Variants in ZBTB20 observed in about 807,000 individuals in gnomAD.
ZBTB20 encodes the protein zinc finger and BTB domain containing 20, also known as zinc finger and BTB domain-containing protein 20.
In ZBTB20, 9 loss-of-function variants were observed where a neutral mutation model predicts 56.9. That is an observed-to-expected ratio of 0.16 (90% CI 0.10 to 0.28). The LOEUF (loss-of-function observed/expected upper bound fraction) is 0.28. Ranked by LOEUF, ZBTB20 falls within the 10% of genes least tolerant of loss-of-function variation. The pLI is 1.00. For missense variants in ZBTB20, 655 were observed against 1,003.0 expected (o/e 0.65, Z 4.69); for synonymous variants, 417 against 420.7 (o/e 0.99, Z 0.11).
intron 6 of ZBTB20, among the ~76,000 whole-genome samples, chr3:114,512,466 ACAGG>A (rs1216213706): frequency 1.3e-5 from 2 of 152,076 alleles, no homozygotes; most frequent in Non-Finnish European, 2.9e-5. Flanking sequence ...ATTATCACTG[ACAGG>A]TTATTAGCCC....
chr3:115,146,500 T>C (rs1218621016), intron 1 of ZBTB20, among the ~76,000 whole-genome samples: 4 of 152,186 alleles, frequency 2.6e-5, no homozygotes, highest in East Asian at 1.9e-4. Context: ...AATCAAAAAG[T>C]GTTAACATGT....
intron 6 of ZBTB20, among the ~76,000 whole-genome samples, chr3:114,570,578 C>T (rs2053308979): frequency 1.3e-5 from 2 of 152,064 alleles, no homozygotes; most frequent in African/African-American, 4.8e-5. Context: ...AGAATTTAAA[C>T]TCAGGTCTGT....
chr3:114,804,337 A>G (rs2071942328), intron 4 of ZBTB20, among the ~76,000 whole-genome samples: 2 of 151,964 alleles, frequency 1.3e-5, no homozygotes, highest in South Asian at 2.1e-4. Flanking sequence ...ATCCTCACAC[A>G]GAAGGAGTTT....
intron 5 of ZBTB20, among the ~76,000 whole-genome samples, chr3:114,736,529 T>C (rs1325942757): frequency 6.6e-6 from 1 of 152,202 alleles, no homozygotes; most frequent in African/African-American, 2.4e-5. Context: ...ATTTTGGTAG[T>C]TCTGCATTTG....
chr3:115,043,268 G>A (rs1020502936), intron 2 of ZBTB20, among the ~76,000 whole-genome samples: 12 of 151,950 alleles, frequency 7.9e-5, no homozygotes, highest in Admixed American at 2.0e-4. Flanking sequence ...TGTTTAAAAA[G>A]TAGTTGAAGG....
intron 1 of ZBTB20, among the ~76,000 whole-genome samples, chr3:115,084,285 C>CA (rs11426311): frequency 0.61 from 73,112 of 119,556 alleles, 23,199 homozygotes; most frequent in Non-Finnish European, 0.74. Context: ...TGAAGAGTGC[C>CA]AAAAAAAAAA....
Position 115,108,896 on chromosome 3 carries a change from G to A in ZBTB20, c.-702-37482C>T, listed in dbSNP as rs866940088. Among the ~76,000 whole-genome samples, 12 of 152,170 alleles carry A rather than the reference G, an allele frequency of 7.9e-5. No homozygotes were observed. In the East Asian group the frequency reaches 1.5e-3, roughly 20 times the overall value. Reference sequence around the variant, plus strand: ...ATATGACCATGGGGAAAAGTGGCACGGAGTTTAGTATCTGAATGATAAGAT... The same window carrying A: ...ATATGACCATGGGGAAAAGTGGCACAGAGTTTAGTATCTGAATGATAAGAT... On this transcript the variant is annotated intron_variant, in intron 1 of 11. Coordinates refer to ENST00000675478, the MANE Select transcript of ZBTB20 (RefSeq NM_001348800.3).
intron 1 of ZBTB20, among the ~76,000 whole-genome samples, chr3:115,138,091 A>C (rs1401506906): frequency 6.6e-6 from 1 of 152,070 alleles, no homozygotes; most frequent in Non-Finnish European, 1.5e-5. Context: ...AGGATTTGCT[A>C]CCCTTTGAAT....
chr3:114,953,956 G>GT (rs1024206832), intron 3 of ZBTB20, among the ~76,000 whole-genome samples: 3 of 152,042 alleles, frequency 2.0e-5, no homozygotes, highest in African/African-American at 7.2e-5. Flanking sequence ...TACAGTTTTC[G>GT]TAAGAGTAAT....
At chr3:114,828,149 G>A (rs2073644429) in intron 4 of ZBTB20, among the ~76,000 whole-genome samples, 1 of 151,642 alleles carries the variant, frequency 6.6e-6, no homozygotes, top group African/African-American at 2.4e-5. Context: ...CATAAGATCT[G>A]TAGAGAAAGT....
intron 10 of ZBTB20, among the ~76,000 whole-genome samples, chr3:114,374,136 T>C (rs2083343130): frequency 1.3e-5 from 2 of 152,212 alleles, no homozygotes; most frequent in Admixed American, 1.3e-4. Context: ...AGAGATTATA[T>C]ATCAATTAAC....
rs142108833 is a variant in ZBTB20 at position 114,627,541 on chromosome 3, G to A, written c.-295+65987C>T. Among the ~76,000 whole-genome samples, 35 of 152,212 alleles carry A rather than the reference G, an allele frequency of 2.3e-4. No homozygotes were observed. In the East Asian group the frequency reaches 6.8e-3, roughly 29 times the overall value. The stretch of plus-strand genomic sequence containing the variant: ...TGGAGCATACTTTACTGTTAGAGAA[G>A]GAAAGTCAGACCCATGTAAATGACA... On this transcript the variant is annotated intron_variant, in intron 6 of 11. Transcript: ENST00000675478.
chr3:114,740,454 A>T (rs1460571246), intron 5 of ZBTB20, among the ~76,000 whole-genome samples: 3 of 152,222 alleles, frequency 2.0e-5, no homozygotes, highest in Non-Finnish European at 4.4e-5. Flanking sequence ...TTAAGTTTTT[A>T]GGGAAAAATA....
chr3:114,556,440 A>C lies in ZBTB20; in HGVS notation c.-294-56049T>G, dbSNP rs111364324. Among the ~76,000 whole-genome samples, 415 of 149,842 alleles carry C rather than the reference A, an allele frequency of 2.8e-3. 5 individuals carry two copies. Among genetic ancestry groups the C allele is most frequent in the African/African-American group, 9.8e-3 (385 of 39,298 alleles). ...TATTCCTCAGTGCTCAGACACCCTG[A>C]AGATACCCTTCAGGATGTAGCATCC... On this transcript the variant is annotated intron_variant, in intron 6 of 11. Coordinates refer to ENST00000675478, the MANE Select transcript of ZBTB20 (RefSeq NM_001348800.3).
chr3:114,740,430 C>A (rs958112878), intron 5 of ZBTB20, among the ~76,000 whole-genome samples: 4 of 152,144 alleles, frequency 2.6e-5, no homozygotes, highest in Non-Finnish European at 5.9e-5. Context: ...ACACATGCAT[C>A]AAAATGTCCA....
chr3:115,042,080 GAC>G (rs1258547726), intron 2 of ZBTB20, among the ~76,000 whole-genome samples: 1 of 151,962 alleles, frequency 6.6e-6, no homozygotes, highest in Non-Finnish European at 1.5e-5. Flanking sequence ...TCTCCACCAA[GAC>G]AAACTAAACC....
chr3:114,453,177 T>C (rs1351319680), intron 7 of ZBTB20, among the ~76,000 whole-genome samples: 1 of 152,154 alleles, frequency 6.6e-6, no homozygotes, highest in Non-Finnish European at 1.5e-5. Context: ...GGTAAAAATA[T>C]ACATGCATAG....
chr3:114,636,315 G>A (rs1382035105), intron 6 of ZBTB20, among the ~76,000 whole-genome samples: 1 of 152,074 alleles, frequency 6.6e-6, no homozygotes, highest in Non-Finnish European at 1.5e-5. Context: ...GAAATGAAAG[G>A]ATGTTGATTA....
intron 3 of ZBTB20, among the ~76,000 whole-genome samples, chr3:114,963,884 T>G (rs2077544191): frequency 6.6e-6 from 1 of 152,208 alleles, no homozygotes; most frequent in African/African-American, 2.4e-5. Context: ...GGAAATCAGA[T>G]AGTAAGCCGA....
Sources: allele counts gnomAD v4.1 joint callset (sites outside exome capture counted in the v4.1 genomes callset), GRCh38; gene constraint gnomAD v4.1.1; transcripts MANE v1.5; gene names NCBI Gene and HGNC (gene_info 2026-07-23, HGNC 2026-07-21).